The following CCM2 variants were observed in gnomAD, a reference collection of about 807,000 sequenced individuals.
The protein encoded by CCM2 is CCM2 scaffold protein.
A neutral mutation model predicts 44.9 loss-of-function variants in CCM2; 25 were observed. That is an observed-to-expected ratio of 0.56 (90% CI 0.41 to 0.78). CCM2 has a LOEUF of 0.78. CCM2 is among the 30% of genes least tolerant of loss of function. CCM2 has a pLI of 0.00. For synonymous variants in CCM2, 219 were observed against 241.1 expected (o/e 0.91, Z 0.85); for missense variants, 481 against 580.6 (o/e 0.83, Z 1.76).
rs567607734 is a variant in CCM2, at chr7:45,065,561, G to A, written c.472+915G>A. ...GTCAGTAGTTCATTGAGAATCTGGC[G>A]AGTGTGTTCATTATTGACCCCTTGA... On this transcript the variant is annotated intron_variant, in intron 4 of 9. Transcript: ENST00000258781. Among the ~76,000 whole-genome samples the A allele has an allele frequency of 6.2e-4, 94 of 152,300 alleles. 1 individual carries two copies. Among genetic ancestry groups the A allele is most frequent in the African/African-American group, 1.9e-3 (80 of 41,566 alleles).
At position 45,071,118 on chromosome 7, in the gene CCM2, A is replaced by C. The variant is rs571871687; in HGVS notation, c.745+1157A>C. ...TCGGTGGCCCAGCGAGATAGGTGCA[A>C]TCTTCATCCCCATTTTAGAGATGGG... On this transcript the variant is annotated intron_variant, in intron 6 of 9. Coordinates refer to ENST00000258781, the MANE Select transcript of CCM2 (RefSeq NM_031443.4). 3 of 152,390 alleles carry C rather than the reference A, an allele frequency of 2.0e-5. No homozygotes were observed. In the South Asian group the frequency reaches 6.2e-4, roughly 32 times the overall value. The allele number at this position is 152,390 out of a possible 1,614,324, so 9.4% of individuals were successfully genotyped here.
At chr7:45,062,975 C>T (rs1309506500) in intron 2 of CCM2, 1 of 152,092 alleles carries the variant, frequency 6.6e-6, no homozygotes, top group Non-Finnish European at 1.5e-5. Flanking sequence ...TTCATCCTTT[C>T]ATCAGGAACC....
upstream of CCM2, chr7:44,999,763 G>A (rs1238653870): frequency 2.2e-6 from 1 of 450,632 alleles, no homozygotes. Context: ...GAAGTCGGCC[G>A]CCGTAAAGAT....
intron 4 of CCM2, among the ~76,000 whole-genome samples, chr7:45,066,962 G>A (rs1351778068): frequency 2.0e-5 from 3 of 150,048 alleles, no homozygotes; most frequent in East Asian, 1.9e-4. Flanking sequence ...GTGTAGTGCC[G>A]TGATCTCAGC....
chr7:45,022,902 G>GGC (rs1413423009), intron 1 of CCM2, among the ~76,000 whole-genome samples: 1 of 151,652 alleles, frequency 6.6e-6, no homozygotes, highest in African/African-American at 2.4e-5. Flanking sequence ...CACCACGCCT[G>GGC]GCTAATTTTT....
intron 1 of CCM2, 97 bp downstream of exon 1, chr7:45,000,460 G>GGC (rs1554353559): frequency 1.6e-5 from 5 of 307,408 alleles, no homozygotes; most frequent in Non-Finnish European, 2.7e-5. Flanking sequence ...GGCCCGGGGG[G>GGC]GGGGGCAGTG....
At chr7:45,026,835 T>C (rs1796710888) in intron 1 of CCM2, among the ~76,000 whole-genome samples, 1 of 152,086 alleles carries the variant, frequency 6.6e-6, no homozygotes, top group Admixed American at 6.6e-5. Context: ...ACTTCTTACC[T>C]CAGGTGATCC....
At chr7:45,049,880 A>G (rs544431131) in intron 2 of CCM2, among the ~76,000 whole-genome samples, 11 of 152,230 alleles carry the variant, frequency 7.2e-5, no homozygotes, top group Non-Finnish European at 1.6e-4. Context: ...AACCACTACA[A>G]CAATAAAAAA....
intron 1 of CCM2, among the ~76,000 whole-genome samples, chr7:45,004,484 C>G (rs1024591600): frequency 6.6e-6 from 1 of 152,160 alleles, no homozygotes; most frequent in Admixed American, 6.6e-5. Context: ...AGGCCCTGAA[C>G]TATCAGCTGC....
rs527716842 is a variant in CCM2 at position 45,076,314 on chromosome 7, G to A, written c.*257G>A. 4.1e-5 allele frequency: 27 copies of A among 664,540 alleles called. No individual in the cohort carries two copies. Among genetic ancestry groups the A allele is most frequent in the East Asian group, 3.3e-4 (11 of 33,674 alleles). The allele number at this position is 664,540 out of a possible 1,614,324, so 41.2% of individuals were successfully genotyped here. A position where few individuals can be genotyped will look rare whatever the true frequency, so the allele number is the denominator to read the frequency against. On this transcript the variant is annotated 3_prime_UTR_variant, in exon 10 of 10. Coordinates refer to ENST00000258781, the MANE Select transcript of CCM2 (RefSeq NM_031443.4). The stretch of plus-strand genomic sequence containing the variant: ...CAAGCCCTGCAGTGTGTCCCCGCTC[G>A]GGGAGGGCCCGGCCGAGCGGGCAGG...
chr7:45,022,085 T>C (rs886631189), intron 1 of CCM2, among the ~76,000 whole-genome samples: 5 of 152,110 alleles, frequency 3.3e-5, no homozygotes, highest in East Asian at 3.9e-4. Context: ...CCTAGGACTT[T>C]ATTGTAGTCT....
At chr7:45,003,310 A>G (rs1393632917) in intron 1 of CCM2, among the ~76,000 whole-genome samples, 2 of 151,958 alleles carry the variant, frequency 1.3e-5, no homozygotes, top group East Asian at 3.9e-4. Flanking sequence ...TCCGGATCTC[A>G]GGTGATCCAC....
chr7:45,070,416 C>T (rs764014829), intron 6 of CCM2: 1 of 456,182 alleles, frequency 2.2e-6, no homozygotes, highest in South Asian at 1.5e-5. Flanking sequence ...TGGGAAGCTG[C>T]TCAGGCTGCC....
chr7:45,047,717 G>A (rs1051752182), intron 2 of CCM2, among the ~76,000 whole-genome samples: 1 of 152,200 alleles, frequency 6.6e-6, no homozygotes, highest in Non-Finnish European at 1.5e-5. Flanking sequence ...AGAGAAGTAG[G>A]TGTGCCTATA....
At chr7:45,026,182 G>A (rs1051224688) in intron 1 of CCM2, among the ~76,000 whole-genome samples, 2 of 152,172 alleles carry the variant, frequency 1.3e-5, no homozygotes, top group African/African-American at 2.4e-5. Flanking sequence ...CTGAAGGTCA[G>A]GGTCAGCTGG....
At chr7:45,038,028 C>G (rs921525753) in intron 1 of CCM2, among the ~76,000 whole-genome samples, 1 of 152,120 alleles carries the variant, frequency 6.6e-6, no homozygotes, top group African/African-American at 2.4e-5. Flanking sequence ...TGCCTCCATG[C>G]CAGAGGCTGC....
chr7:45,073,848 C>T, intron 8 of CCM2: 1 of 556,466 alleles, frequency 1.8e-6, no homozygotes, highest in Non-Finnish European at 3.2e-6. Context: ...GAACGGTGGC[C>T]CCTGCAAGGC....
intron 2 of CCM2, among the ~76,000 whole-genome samples, chr7:45,041,441 A>G (rs570305699): frequency 3.3e-5 from 5 of 152,296 alleles, no homozygotes; most frequent in Admixed American, 3.3e-4. Context: ...AGGACCCAGA[A>G]AATGACCCAG....
intron 1 of CCM2, among the ~76,000 whole-genome samples, chr7:45,021,753 G>T (rs1796490652): frequency 6.6e-6 from 1 of 151,806 alleles, no homozygotes; most frequent in South Asian, 2.1e-4. Flanking sequence ...AGGAGGAGGG[G>T]AGGAGAGGGG....
Sources: gnomAD v4.1 joint callset for allele counts (sites outside exome capture counted in the v4.1 genomes callset) on GRCh38, gnomAD v4.1.1 for gene constraint, MANE v1.5 for transcripts, NCBI Gene and HGNC (gene_info 2026-07-23, HGNC 2026-07-21) for gene names.